NRCAM: variants seen among roughly 807,000 people sequenced by gnomAD.
The protein encoded by NRCAM is NgCAM-related cell adhesion molecule.
A neutral mutation model predicts 156.5 loss-of-function variants in NRCAM; 83 were observed. That is an observed-to-expected ratio of 0.53 (90% CI 0.44 to 0.64). The LOEUF is 0.64. Ranked by LOEUF, NRCAM falls within the 30% of genes least tolerant of loss-of-function variation. NRCAM has a pLI of 0.00. For missense variants in NRCAM, 1,417 were observed against 1,597.3 expected, an observed-to-expected ratio of 0.89 and a Z score of 1.92; for synonymous variants, 538 against 563.9, an observed-to-expected ratio of 0.95 and a Z score of 0.65.
At chr7:108,214,501 T>C (rs1282194014) in intron 11 of NRCAM, among the ~76,000 whole-genome samples, 1 of 148,142 alleles carries the variant, frequency 6.8e-6, no homozygotes, top group African/African-American at 2.5e-5. Context: ...TCTCTCTTTC[T>C]TCTTTATTAG....
chr7:108,351,763 C>CTT (rs11460232), intron 2 of NRCAM, among the ~76,000 whole-genome samples: 38,128 of 149,704 alleles, frequency 0.25, 5,250 homozygotes, highest in Middle Eastern at 0.32. Context: ...ATATTGACCA[C>CTT]TTTTTTTTTT....
chr7:108,191,432 A>G lies in NRCAM; in HGVS notation c.1904-149T>C, dbSNP rs556287405. The G allele has an allele frequency of 9.2e-6, 6 of 655,548 alleles. No individual in the cohort carries two copies. The African/African-American group carries it at 9.2e-5, about 10-fold the overall frequency. 40.6% of individuals were successfully genotyped at this position (655,548 alleles called of 1,614,324 possible). A position where few individuals can be genotyped will look rare whatever the true frequency, so the allele number is the denominator to read the frequency against. Reference sequence around the variant, plus strand: ...TGAGACACAGCATTGATAAACATGCAGTAACAATTTAGGAAAAAAAACCTT... The same window carrying G: ...TGAGACACAGCATTGATAAACATGCGGTAACAATTTAGGAAAAAAAACCTT... On this transcript the variant is annotated intron_variant, in intron 18 of 32. Coordinates refer to ENST00000379028, the MANE Select transcript of NRCAM (RefSeq NM_001037132.4).
intron 3 of NRCAM, among the ~76,000 whole-genome samples, chr7:108,257,237 C>T (rs1478354608): frequency 6.6e-6 from 1 of 152,090 alleles, no homozygotes. Flanking sequence ...GGAACTTTGT[C>T]AGTCGACAGT....
chr7:108,401,373 TACAA>T (rs2099792148), intron 1 of NRCAM, among the ~76,000 whole-genome samples: 1 of 151,960 alleles, frequency 6.6e-6, no homozygotes, highest in Non-Finnish European at 1.5e-5. Context: ...AAACTGTCTC[TACAA>T]ACAAACAAAA....
intron 3 of NRCAM, among the ~76,000 whole-genome samples, chr7:108,281,611 G>T (rs1243866870): frequency 6.6e-6 from 1 of 152,190 alleles, no homozygotes. Flanking sequence ...TAAGGGAGGG[G>T]TTATACACTT....
chr7:108,253,311 G>C (rs1267110189), intron 3 of NRCAM, among the ~76,000 whole-genome samples: 1 of 152,208 alleles, frequency 6.6e-6, no homozygotes, highest in Non-Finnish European at 1.5e-5. Flanking sequence ...CTGGATCTAG[G>C]CCCTATGGGA....
At chr7:108,289,783 T>A (rs1317490915) in intron 3 of NRCAM, among the ~76,000 whole-genome samples, 3 of 152,148 alleles carry the variant, frequency 2.0e-5, no homozygotes, top group Non-Finnish European at 4.4e-5. Flanking sequence ...ACCCCCAGCA[T>A]CAGCATAAAC....
chr7:108,456,503 T>G (rs1167680447), upstream of NRCAM: 1 of 151,664 alleles, frequency 6.6e-6, no homozygotes. Context: ...CGCCGTGCTT[T>G]TGCCCCTCCC....
intron 6 of NRCAM, among the ~76,000 whole-genome samples, chr7:108,233,808 T>C (rs903269092): frequency 6.6e-6 from 1 of 152,202 alleles, no homozygotes; most frequent in Non-Finnish European, 1.5e-5. Context: ...TACATTTTAA[T>C]AACAATAACC....
chr7:108,159,699 GTATTT>G lies in NRCAM; in HGVS notation c.3599-163_3599-159del, dbSNP rs2047679127. Among the ~76,000 whole-genome samples the G allele has an allele frequency of 2.0e-5, 3 of 151,966 alleles. No individual in the cohort carries two copies. In the South Asian group the frequency reaches 6.2e-4, roughly 32 times the overall value. Reference sequence around the variant, plus strand: ...ATATGGTGGCCATGCATATATTTTGGTATTTTAGTTATTTTTGAGGCAACCCAATA... The same window carrying G: ...ATATGGTGGCCATGCATATATTTTGGTAGTTATTTTTGAGGCAACCCAATA... On this transcript the variant is annotated intron_variant, in intron 31 of 32. Transcript: ENST00000379028.
At chr7:108,321,423 CT>C (rs1184375419) in intron 2 of NRCAM, among the ~76,000 whole-genome samples, 1 of 152,138 alleles carries the variant, frequency 6.6e-6, no homozygotes, top group African/African-American at 2.4e-5. Context: ...TAGGGTAGGT[CT>C]CAGACTCTTT....
At position 108,294,790 on chromosome 7, in the gene NRCAM, C is replaced by G. The variant is rs986513233; in HGVS notation, c.-107+17875G>C. On this transcript the variant is annotated intron_variant, in intron 3 of 32. Coordinates refer to ENST00000379028, the MANE Select transcript of NRCAM (RefSeq NM_001037132.4). ...CAGCCCCTTGTCTAGCTCACCCTTA[C>G]GGTCTTCCGAATCACTTCCCCTTTT... 2.0e-5 allele frequency among the ~76,000 whole-genome samples: 3 copies of G among 152,274 alleles called. No individual in the cohort carries two copies. The South Asian group carries it at 6.2e-4, about 32-fold the overall frequency.
In NRCAM at chr7:108,283,926, AC is replaced by A. The variant is rs555479549; in HGVS notation, c.-107+28738del. Among the ~76,000 whole-genome samples the A allele has an allele frequency of 1.2e-4, 19 of 152,064 alleles. No homozygotes were observed. In the East Asian group the frequency reaches 3.5e-3, roughly 28 times the overall value. On this transcript the variant is annotated intron_variant, in intron 3 of 32. Transcript: ENST00000379028. Reference sequence around the variant, plus strand: ...AGTGGTGCGATCTTGGCTCACTGCGACCTCTGCCTCCTGGGTTCAAGTGATT... The same window carrying A: ...AGTGGTGCGATCTTGGCTCACTGCGACTCTGCCTCCTGGGTTCAAGTGATT...
chr7:108,420,276 C>A (rs1279526318), intron 1 of NRCAM, among the ~76,000 whole-genome samples: 2 of 152,098 alleles, frequency 1.3e-5, no homozygotes, highest in Non-Finnish European at 2.9e-5. Context: ...TTCAGACACA[C>A]ACAAATCCTT....
intron 2 of NRCAM, among the ~76,000 whole-genome samples, chr7:108,378,781 G>C (rs2099688124): frequency 6.7e-6 from 1 of 150,096 alleles, no homozygotes; most frequent in Non-Finnish European, 1.5e-5. Context: ...TGGATAAAGA[G>C]AAGGAAAGAT....
At chr7:108,436,291 C>G (rs962916341) in intron 1 of NRCAM, among the ~76,000 whole-genome samples, 1 of 152,056 alleles carries the variant, frequency 6.6e-6, no homozygotes, top group African/African-American at 2.4e-5. Flanking sequence ...TATAAAGATT[C>G]TGAATAAGAT....
intron 5 of NRCAM, 162 bp from the exon 6 acceptor site, chr7:108,234,850 T>C: frequency 4.0e-6 from 3 of 759,264 alleles, no homozygotes; most frequent in East Asian, 2.5e-5. Context: ...ATTTTTCTGC[T>C]AAAGGTCTGC....
intron 1 of NRCAM, among the ~76,000 whole-genome samples, chr7:108,410,723 G>A (rs1794335142): frequency 6.6e-6 from 1 of 152,222 alleles, no homozygotes; most frequent in African/African-American, 2.4e-5. Flanking sequence ...GTCACAGCAA[G>A]TGTGGAAGGG....
intron 32 of NRCAM, among the ~76,000 whole-genome samples, chr7:108,153,883 C>T (rs2043220152): frequency 6.6e-6 from 1 of 151,888 alleles, no homozygotes; most frequent in African/African-American, 2.4e-5. Context: ...TGTGTAAGAC[C>T]TCCGAAGAAA....
Sources: gnomAD v4.1 joint callset for allele counts (sites outside exome capture counted in the v4.1 genomes callset) on GRCh38, gnomAD v4.1.1 for gene constraint, MANE v1.5 for transcripts, NCBI Gene and HGNC (gene_info 2026-07-23, HGNC 2026-07-21) for gene names.